Variants in UBE2Z observed in about 807,000 individuals in gnomAD.
UBE2Z encodes ubiquitin conjugating enzyme E2 Z.
A neutral mutation model predicts 32.6 loss-of-function variants in UBE2Z; 10 were observed. The ratio of observed to expected loss-of-function variants is 0.31; its 90% CI spans 0.19 to 0.52. The LOEUF (loss-of-function observed/expected upper bound fraction) is 0.52, where lower values mean the gene tolerates loss of function less well. Ranked by LOEUF, UBE2Z falls within the 20% of genes least tolerant of loss-of-function variation. UBE2Z has a pLI of 0.97. For synonymous variants in UBE2Z, 183 were observed against 190.8 expected (o/e 0.96, Z 0.34); for missense variants, 343 against 480.9 (o/e 0.71, Z 2.68).
chr17:48,919,357 A>G (rs562837757), intron 4 of UBE2Z, among the ~76,000 whole-genome samples: 4 of 152,314 alleles, frequency 2.6e-5, no homozygotes, highest in African/African-American at 7.2e-5. Context: ...AGCACAGGAA[A>G]AATTAAAGGA....
chr17:48,925,264 G>A (rs1431577738), intron 6 of UBE2Z, among the ~76,000 whole-genome samples: 1 of 148,068 alleles, frequency 6.8e-6, no homozygotes, highest in Non-Finnish European at 1.5e-5. Flanking sequence ...CCTTGGCGAT[G>A]GAGCCAGACT....
At position 48,927,785 on chromosome 17, in the gene UBE2Z, T is replaced by C. The variant is rs2040807484; in HGVS notation, c.*651T>C. The C allele has an allele frequency of 6.5e-6, 1 of 152,780 alleles. No individual in the cohort carries two copies. Among genetic ancestry groups the C allele is most frequent in the Non-Finnish European group, 1.5e-5 (1 of 68,192 alleles). 9.5% of individuals were successfully genotyped at this position (152,780 alleles called of 1,614,324 possible). A position where few individuals can be genotyped will look rare whatever the true frequency, so the allele number is the denominator to read the frequency against. On this transcript the variant is annotated 3_prime_UTR_variant, in exon 7 of 7. Transcript: ENST00000360943. ...GCTTTACCTAGCACCTGAGCACCTT[T>C]CTCCCCTCCCCTCTTTCCTCACCCT...
chr17:48,915,616 A>G lies in UBE2Z; in HGVS notation c.579-460A>G, dbSNP rs921615058. Reference sequence around the variant, plus strand: ...GGTTTGATACAGAACTGGATCCCCAATAGCCCCACCACATGGCCTCTAACC... The same window carrying G: ...GGTTTGATACAGAACTGGATCCCCAGTAGCCCCACCACATGGCCTCTAACC... On this transcript the variant is annotated intron_variant, in intron 3 of 6. Coordinates refer to ENST00000360943, the MANE Select transcript of UBE2Z (RefSeq NM_023079.5). 7 of 180,032 alleles carry G rather than the reference A, an allele frequency of 3.9e-5. No individual in the cohort carries two copies. The East Asian group carries it at 7.6e-4, about 20-fold the overall frequency. 11.2% of individuals were successfully genotyped at this position (180,032 alleles called of 1,614,324 possible). A position where few individuals can be genotyped will look rare whatever the true frequency, so the allele number is the denominator to read the frequency against.
At chr17:48,914,717 T>A (rs866061393) in intron 3 of UBE2Z, among the ~76,000 whole-genome samples, 1 of 152,088 alleles carries the variant, frequency 6.6e-6, no homozygotes, top group Non-Finnish European at 1.5e-5. Flanking sequence ...AAATTTGCCA[T>A]AAAGAATCAC....
chr17:48,911,735 T>C (rs2040679437), intron 2 of UBE2Z: 1 of 152,204 alleles, frequency 6.6e-6, no homozygotes, highest in Non-Finnish European at 1.5e-5. Context: ...CCAGTGTTAA[T>C]AGCCTAGTAC....
intron 4 of UBE2Z, among the ~76,000 whole-genome samples, chr17:48,920,119 TC>T (rs762194294): frequency 1.4e-4 from 22 of 151,946 alleles, no homozygotes; most frequent in Non-Finnish European, 2.9e-4. Flanking sequence ...GCCCAGGAAT[TC>T]GAGGCAGCAG....
chr17:48,910,185 A>G (rs1337202933), intron 1 of UBE2Z, among the ~76,000 whole-genome samples: 1 of 152,098 alleles, frequency 6.6e-6, no homozygotes, highest in Admixed American at 6.6e-5. Context: ...CTTATCTCCT[A>G]TGGAAGTCCA....
rs763000539 is a variant in UBE2Z at position 48,910,897 on chromosome 17, G to A, written c.390+17G>A. ...ATGACTAAGGTATGTAACTTGATGG[G>A]GGTTTGGGGGGTTTTGGGAAATTGG... On this transcript the variant is annotated intron_variant, in intron 2 of 6. Transcript: ENST00000360943. 22 of 1,608,938 alleles carry A rather than the reference G, an allele frequency of 1.4e-5. No homozygotes were observed. The highest frequency in any genetic ancestry group is 8.3e-5 in the Admixed American group (5 of 59,954).
At chr17:48,922,163 C>T (rs1292698639) in intron 5 of UBE2Z, among the ~76,000 whole-genome samples, 1 of 152,090 alleles carries the variant, frequency 6.6e-6, no homozygotes, top group Non-Finnish European at 1.5e-5. Flanking sequence ...CCAAGGAAGG[C>T]AGATCACCAG....
chr17:48,911,623 T>G (rs1336248225), intron 2 of UBE2Z: 3 of 152,264 alleles, frequency 2.0e-5, no homozygotes, highest in Admixed American at 1.3e-4. Context: ...TTTTGTATTG[T>G]TGGTGTATCT....
At chr17:48,924,801 G>T (rs1458457179) in intron 6 of UBE2Z, among the ~76,000 whole-genome samples, 1 of 126,662 alleles carries the variant, frequency 7.9e-6, no homozygotes, top group African/African-American at 3.0e-5. Context: ...AACTGAGATT[G>T]CACTACTGCA....
chr17:48,916,245 G>A (rs1368255418), intron 4 of UBE2Z, 58 bp downstream of exon 4: 3 of 768,072 alleles, frequency 3.9e-6, no homozygotes, highest in African/African-American at 1.7e-5. Flanking sequence ...TTGTTTGGTT[G>A]GTTGGTTTTT....
Position 48,927,105 on chromosome 17 carries a change from A to G in UBE2Z, c.1036A>G (p.Thr346Ala). 6.2e-7 allele frequency: 1 copy of G among 1,613,922 alleles called. No individual in the cohort carries two copies. The highest frequency in any genetic ancestry group is 8.5e-7 in the Non-Finnish European group (1 of 1,179,864). ...TGATAGCAGTTCATCTGGGACAGAG[A>G]CAGACCTTCATGGGAGCCTGAGGGT... ...DSDSSSSGTE[T>A]DLHGSLRV is the part of the protein sequence containing the mutation. Residue 346 changes from threonine to alanine, a missense_variant, in exon 7 of 7, where the codon ACA (threonine) becomes GCA (alanine). Physicochemically the swap from Thr to Ala is moderately conservative, Grantham distance 58 (BLOSUM62 0). Coordinates refer to ENST00000360943, the MANE Select transcript of UBE2Z (RefSeq NM_023079.5).
At chr17:48,920,451 C>G (rs924803872) in intron 4 of UBE2Z, among the ~76,000 whole-genome samples, 6 of 151,980 alleles carry the variant, frequency 3.9e-5, no homozygotes, top group African/African-American at 9.7e-5. Context: ...GAGCTGAGAT[C>G]GTGCCATTGC....
intron 2 of UBE2Z, 156 bp from the exon 3 acceptor site, chr17:48,912,678 G>A (rs748918314): frequency 1.5e-4 from 110 of 741,084 alleles, no homozygotes; most frequent in Non-Finnish European, 2.3e-4. Flanking sequence ...ATTAGTATGA[G>A]TGAATACAGG....
At position 48,922,854 on chromosome 17, in the gene UBE2Z, ATG is replaced by A; in HGVS notation, c.812_813del (p.Met271ArgfsTer38). The part of the protein sequence containing the change: ...CPCPEPLRGV[M>X]EKSFLEYYDF... ...TTTCTGCTTGTTTTCCAGAGGGGTG[ATG>A]GAGAAGTCCTTTCTGGAGTATTACG... On this transcript the variant is annotated frameshift_variant, in exon 6 of 7. Coordinates refer to ENST00000360943, the MANE Select transcript of UBE2Z (RefSeq NM_023079.5). LOFTEE classifies it high-confidence loss of function. The A allele has an allele frequency of 6.2e-7, 1 of 1,611,144 alleles. No individual in the cohort carries two copies. The highest frequency in any genetic ancestry group is 8.5e-7 in the Non-Finnish European group (1 of 1,177,972).
chr17:48,917,978 C>T (rs1208668951), intron 4 of UBE2Z, among the ~76,000 whole-genome samples: 5 of 152,090 alleles, frequency 3.3e-5, no homozygotes, highest in African/African-American at 1.2e-4. Flanking sequence ...CTATTGTTAC[C>T]CAGGCTGGAG....
At chr17:48,916,660 A>G (rs750281792) in intron 4 of UBE2Z, among the ~76,000 whole-genome samples, 3 of 151,956 alleles carry the variant, frequency 2.0e-5, no homozygotes, top group Non-Finnish European at 4.4e-5. Flanking sequence ...GTATAGGGAA[A>G]AAAAGGGAAT....
intron 6 of UBE2Z, among the ~76,000 whole-genome samples, chr17:48,924,352 G>C (rs2040782736): frequency 6.6e-6 from 1 of 152,158 alleles, no homozygotes; most frequent in East Asian, 1.9e-4. Context: ...TTTAAATTCT[G>C]TTCCCAGCCC....
Sources: gnomAD v4.1 joint callset for allele counts (sites outside exome capture counted in the v4.1 genomes callset) on GRCh38, gnomAD v4.1.1 for gene constraint, MANE v1.5 for transcripts, NCBI Gene and HGNC (gene_info 2026-07-23, HGNC 2026-07-21) for gene names.